The following MCTP1 variants were observed in gnomAD, a reference collection of about 807,000 sequenced individuals.
MCTP1 encodes the protein multiple C2 and transmembrane domain containing 1.
Under a neutral mutation model 120.6 loss-of-function variants are expected in MCTP1, and 69 were observed. The observed-to-expected ratio is 0.57, with a 90% confidence interval of 0.47 to 0.70. The LOEUF (loss-of-function observed/expected upper bound fraction) is 0.70. Among genes scored for constraint, MCTP1 ranks in the 30% least tolerant of loss-of-function variants. MCTP1 has a pLI of 0.00. For missense variants in MCTP1, 1,203 were observed against 1,248.8 expected (o/e 0.96, Z 0.55); for synonymous variants, 529 against 493.1 (o/e 1.07, Z -0.96).
chr5:94,975,483 A>G (rs1192453757), intron 2 of MCTP1, among the ~76,000 whole-genome samples: 1 of 151,992 alleles, frequency 6.6e-6, no homozygotes, highest in African/African-American at 2.4e-5. Context: ...GGTCCTCACC[A>G]GGAACCCAAT....
At chr5:95,016,782 C>T (rs755192621) in intron 2 of MCTP1, among the ~76,000 whole-genome samples, 21 of 152,068 alleles carry the variant, frequency 1.4e-4, no homozygotes, top group Non-Finnish European at 1.8e-4. Flanking sequence ...TGTGGCCTAT[C>T]CTCGTTCATC....
chr5:94,906,093 C>A (rs933428882), intron 10 of MCTP1, among the ~76,000 whole-genome samples: 1 of 152,110 alleles, frequency 6.6e-6, no homozygotes, highest in African/African-American at 2.4e-5. Context: ...GAAAACTGGT[C>A]ATTGAATTGA....
chr5:95,272,490 A>C (rs1759486032), intron 1 of MCTP1, among the ~76,000 whole-genome samples: 1 of 152,236 alleles, frequency 6.6e-6, no homozygotes, highest in Admixed American at 6.5e-5. Context: ...AAGTTATCCA[A>C]GTCATCCAAG....
In MCTP1 at chr5:95,282,180, T is replaced by C. The variant is rs1275149071; in HGVS notation, c.720+1676A>G. Reference sequence around the variant, plus strand: ...TCTTCTCCAGAATAAGTTTATATCTTTTGTATACAAAATTCATACTTACAT... The same window carrying C: ...TCTTCTCCAGAATAAGTTTATATCTCTTGTATACAAAATTCATACTTACAT... On this transcript the variant is annotated intron_variant, in intron 1 of 22. Transcript: ENST00000515393. Among the ~76,000 whole-genome samples, 3 of 152,228 alleles carry C rather than the reference T, an allele frequency of 2.0e-5. No homozygotes were observed. The East Asian group carries it at 5.8e-4, about 29-fold the overall frequency.
chr5:94,766,353 A>T, intron 19 of MCTP1, among the ~76,000 whole-genome samples: 1 of 152,212 alleles, frequency 6.6e-6, no homozygotes, highest in Non-Finnish European at 1.5e-5. Flanking sequence ...ATAAAAATGG[A>T]TGAGTTCATG....
chr5:94,795,890 T>C (rs1779897752), intron 18 of MCTP1, among the ~76,000 whole-genome samples: 1 of 152,212 alleles, frequency 6.6e-6, no homozygotes, highest in Non-Finnish European at 1.5e-5. Flanking sequence ...GCAAAACTTA[T>C]TCAGCAAGGA....
At chr5:94,969,884 T>A (rs1826397071) in intron 2 of MCTP1, among the ~76,000 whole-genome samples, 1 of 152,054 alleles carries the variant, frequency 6.6e-6, no homozygotes, top group Non-Finnish European at 1.5e-5. Context: ...GCTATTCTAT[T>A]CCCTCATTTT....
chr5:95,121,936 C>CAAAAAAAAAA (rs70978167), intron 1 of MCTP1, among the ~76,000 whole-genome samples: 2 of 112,746 alleles, frequency 1.8e-5, no homozygotes, highest in Non-Finnish European at 3.5e-5. Flanking sequence ...TATCCATATG[C>CAAAAAAAAAA]AAAAAAAAAA....
intron 5 of MCTP1, among the ~76,000 whole-genome samples, chr5:94,937,528 A>C (rs983860505): frequency 6.6e-6 from 1 of 152,084 alleles, no homozygotes; most frequent in African/African-American, 2.4e-5. Flanking sequence ...GTGTTTGATA[A>C]CTTACTAATG....
At chr5:94,996,597 A>T (rs943584847) in intron 2 of MCTP1, among the ~76,000 whole-genome samples, 7 of 152,162 alleles carry the variant, frequency 4.6e-5, no homozygotes, top group African/African-American at 1.7e-4. Context: ...ATACAATGTA[A>T]ATGCTAAGTA....
intron 19 of MCTP1, among the ~76,000 whole-genome samples, chr5:94,722,717 C>G (rs1223714230): frequency 7.2e-5 from 11 of 152,072 alleles, no homozygotes; most frequent in Admixed American, 6.6e-4. Context: ...CTTACATAAC[C>G]TTTGGCAAAA....
At chr5:95,061,408 GTTTTTTTTTTTTTTTTT>G (rs556663513) in intron 1 of MCTP1, among the ~76,000 whole-genome samples, 690 of 33,368 alleles carry the variant, frequency 0.021, 74 homozygotes, top group Non-Finnish European at 0.028. Flanking sequence ...CCCCTTAAGG[GTTTTTTTTTTTTTTTTT>G]TTTTTTTTTT....
At chr5:94,868,192 G>A in intron 17 of MCTP1, 141 bp downstream of exon 17, 2 of 738,334 alleles carry the variant, frequency 2.7e-6, no homozygotes, top group Non-Finnish European at 3.8e-6. Context: ...TCCTGCCCAC[G>A]GCAAATCTGT....
intron 1 of MCTP1, among the ~76,000 whole-genome samples, chr5:95,158,686 G>A (rs1362774340): frequency 1.3e-5 from 2 of 152,006 alleles, no homozygotes; most frequent in Non-Finnish European, 2.9e-5. Flanking sequence ...AGCACTTTGG[G>A]AGGCCAAGGC....
intron 1 of MCTP1, among the ~76,000 whole-genome samples, chr5:95,155,774 G>C (rs76155417): frequency 1.3e-5 from 2 of 152,140 alleles, no homozygotes; most frequent in Non-Finnish European, 2.9e-5. Context: ...CCCCCATAGT[G>C]TTCACACCCT....
intron 8 of MCTP1, among the ~76,000 whole-genome samples, chr5:94,916,341 C>T (rs986778065): frequency 7.2e-5 from 11 of 152,012 alleles, no homozygotes; most frequent in African/African-American, 2.7e-4. Context: ...ATGTTTCTCC[C>T]TCTCTGGGAC....
At chr5:94,814,404 G>A (rs1483133441) in intron 17 of MCTP1, among the ~76,000 whole-genome samples, 1 of 152,142 alleles carries the variant, frequency 6.6e-6, no homozygotes, top group East Asian at 1.9e-4. Context: ...TCCACATGAT[G>A]ATTCTTTGGA....
intron 2 of MCTP1, among the ~76,000 whole-genome samples, chr5:94,980,264 C>T (rs1159564049): frequency 1.3e-5 from 2 of 152,136 alleles, no homozygotes; most frequent in Non-Finnish European, 2.9e-5. Flanking sequence ...AATGATTCAT[C>T]TTCCCACTTT....
intron 17 of MCTP1, among the ~76,000 whole-genome samples, chr5:94,833,650 T>C (rs1789053298): frequency 6.6e-6 from 1 of 152,212 alleles, no homozygotes; most frequent in Non-Finnish European, 1.5e-5. Flanking sequence ...TACTTTGTGC[T>C]ATCAAAACTT....
Sources: allele counts gnomAD v4.1 joint callset (sites outside exome capture counted in the v4.1 genomes callset), GRCh38; gene constraint gnomAD v4.1.1; transcripts MANE v1.5; gene names NCBI Gene and HGNC (gene_info 2026-07-23, HGNC 2026-07-21).